DSCAM: variants seen among roughly 807,000 people sequenced by gnomAD.
DSCAM encodes cell adhesion molecule DSCAM.
In DSCAM, 47 loss-of-function variants were observed where a neutral mutation model predicts 217.7. The ratio of observed to expected loss-of-function variants is 0.22; its 90% CI spans 0.17 to 0.28. DSCAM has a LOEUF of 0.28. DSCAM is among the 10% of genes least tolerant of loss of function. The pLI, the probability that DSCAM is intolerant of heterozygous loss-of-function variation, is 1.00. For missense variants in DSCAM, 2,080 were observed against 2,618.3 expected (o/e 0.79, Z 4.49); for synonymous variants, 1,056 against 1,015.3 (o/e 1.04, Z -0.76).
intron 3 of DSCAM, among the ~76,000 whole-genome samples, chr21:40,382,396 C>G (rs945563194): frequency 6.6e-6 from 1 of 152,094 alleles, no homozygotes; most frequent in Non-Finnish European, 1.5e-5. Flanking sequence ...CACATTTTTT[C>G]CCACCTCAAA....
intron 3 of DSCAM, among the ~76,000 whole-genome samples, chr21:40,580,026 T>C (rs2076891529): frequency 2.0e-5 from 3 of 151,216 alleles, no homozygotes; most frequent in Admixed American, 1.3e-4. Flanking sequence ...CCAGAACCAA[T>C]GGTGAATAAC....
At chr21:40,101,786 TG>T (rs141674928) in intron 20 of DSCAM, among the ~76,000 whole-genome samples, 50 of 146,564 alleles carry the variant, frequency 3.4e-4, no homozygotes, top group African/African-American at 7.2e-4. Flanking sequence ...TGGGAGGTGG[TG>T]GGGGGGGGTC....
intron 16 of DSCAM, among the ~76,000 whole-genome samples, chr21:40,160,111 T>C (rs1449438703): frequency 6.6e-6 from 1 of 152,172 alleles, no homozygotes. Context: ...TTATCCTCTA[T>C]GGCTATCAAG....
intron 11 of DSCAM, among the ~76,000 whole-genome samples, chr21:40,240,472 T>C (rs2146940872): frequency 6.6e-6 from 1 of 151,426 alleles, no homozygotes; most frequent in African/African-American, 2.4e-5. Context: ...GGATTACACT[T>C]TGTCTGCCTT....
intron 11 of DSCAM, among the ~76,000 whole-genome samples, chr21:40,265,081 T>C (rs1354701303): frequency 6.6e-6 from 1 of 151,548 alleles, no homozygotes; most frequent in Non-Finnish European, 1.5e-5. Context: ...TAATCCCAGC[T>C]ACTCGGGAAG....
At chr21:40,730,292 G>C (rs118120616) in intron 1 of DSCAM, among the ~76,000 whole-genome samples, 1 of 152,204 alleles carries the variant, frequency 6.6e-6, no homozygotes, top group East Asian at 1.9e-4. Context: ...TGGGGTTGGG[G>C]TGAGTGGCTG....
chr21:40,762,797 G>C (rs1197304882), intron 1 of DSCAM, among the ~76,000 whole-genome samples: 1 of 152,078 alleles, frequency 6.6e-6, no homozygotes, highest in Non-Finnish European at 1.5e-5. Flanking sequence ...GGGATGCAAG[G>C]CAGATTCAAC....
intron 3 of DSCAM, among the ~76,000 whole-genome samples, chr21:40,586,986 C>G (rs73216107): frequency 0.065 from 9,871 of 152,084 alleles, 366 homozygotes; most frequent in South Asian, 0.15. Flanking sequence ...TAAAGAAGAG[C>G]AGATGAGTAA....
At chr21:40,779,025 A>G (rs2091515275) in intron 1 of DSCAM, among the ~76,000 whole-genome samples, 1 of 131,772 alleles carries the variant, frequency 7.6e-6, no homozygotes, top group East Asian at 2.1e-4. Flanking sequence ...ACTCCATCTC[A>G]AAAACAGAAA....
chr21:40,666,650 C>A (rs897825218), intron 3 of DSCAM, among the ~76,000 whole-genome samples: 1 of 152,148 alleles, frequency 6.6e-6, no homozygotes, highest in South Asian at 2.1e-4. Context: ...TTTTCCTGGG[C>A]GTTTTGTACT....
At chr21:40,064,022 T>C (rs933870550) in intron 27 of DSCAM, among the ~76,000 whole-genome samples, 1 of 152,068 alleles carries the variant, frequency 6.6e-6, no homozygotes, top group Non-Finnish European at 1.5e-5. Context: ...CAAAATAGGA[T>C]TGGATTTCCC....
At chr21:40,505,518 A>G (rs2076203217) in intron 3 of DSCAM, among the ~76,000 whole-genome samples, 1 of 152,212 alleles carries the variant, frequency 6.6e-6, no homozygotes, top group Admixed American at 6.5e-5. Context: ...CCTTTACAAC[A>G]GCTGGTGGCT....
Position 40,144,766 on chromosome 21 carries a change from C to A in DSCAM, c.3019-35G>T. 6.2e-7 allele frequency: 1 copy of A among 1,612,228 alleles called. No individual in the cohort carries two copies. Among genetic ancestry groups the A allele is most frequent in the South Asian group, 1.1e-5 (1 of 91,054 alleles). On this transcript the variant is annotated intron_variant, in intron 16 of 32. Coordinates refer to ENST00000400454, the MANE Select transcript of DSCAM (RefSeq NM_001389.5). This position sits in a 1 kb window ranked among gnomAD's most constrained non-coding sequence, Gnocchi z 4.8. ...AGAGAAAAGAACACACTAAAGAAGT[C>A]TTGAGGTAGGACAAGAGCGAAATCA... is the stretch of plus-strand genomic sequence containing the variant.
chr21:40,109,272 C>T (rs2089863457), intron 20 of DSCAM, among the ~76,000 whole-genome samples: 1 of 151,990 alleles, frequency 6.6e-6, no homozygotes, highest in South Asian at 2.1e-4. Context: ...AATATTCAGC[C>T]TTTATAAGAA....
intron 3 of DSCAM, among the ~76,000 whole-genome samples, chr21:40,512,227 T>C (rs1465523508): frequency 6.6e-6 from 1 of 152,092 alleles, no homozygotes; most frequent in Non-Finnish European, 1.5e-5. Context: ...TTATCCTGAG[T>C]GAACCTTGTT....
At chr21:40,681,067 T>C (rs1601844787) in intron 3 of DSCAM, among the ~76,000 whole-genome samples, 1 of 152,374 alleles carries the variant, frequency 6.6e-6, no homozygotes, top group South Asian at 2.1e-4. Flanking sequence ...CAAGGGTAAC[T>C]TTTGAGGCAA....
In DSCAM at chr21:40,267,622, TG is replaced by T. The variant is rs368746187; in HGVS notation, c.2356+8474del. 8.5e-4 allele frequency among the ~76,000 whole-genome samples: 130 copies of T among 152,228 alleles called. 2 individuals are homozygous for T. The East Asian group carries it at 0.015, about 18-fold the overall frequency. ...CATAAAATCTGGATTATGGGCCGGG[TG>T]TGGTGGCTTACACCTGTAATCCCAA... On this transcript the variant is annotated intron_variant, in intron 11 of 32. Coordinates refer to ENST00000400454, the MANE Select transcript of DSCAM (RefSeq NM_001389.5).
chr21:40,788,387 CT>C (rs895298255), intron 1 of DSCAM, among the ~76,000 whole-genome samples: 5 of 152,006 alleles, frequency 3.3e-5, no homozygotes, highest in African/African-American at 1.2e-4. Flanking sequence ...TAAAGTGTAA[CT>C]TTTTTTTAAT....
intron 11 of DSCAM, among the ~76,000 whole-genome samples, chr21:40,194,178 G>A (rs532101070): frequency 2.0e-5 from 3 of 152,282 alleles, no homozygotes; most frequent in South Asian, 2.1e-4. Flanking sequence ...TTGAAAGAGT[G>A]CCCTACTAAA....
Sources: gnomAD v4.1 joint callset for allele counts (sites outside exome capture counted in the v4.1 genomes callset) on GRCh38, gnomAD v4.1.1 for gene constraint, Gnocchi (gnomAD v3.1) non-coding constraint, MANE v1.5 for transcripts, NCBI Gene and HGNC (gene_info 2026-07-23, HGNC 2026-07-21) for gene names.